Variants in TRMT112 observed in about 807,000 individuals in gnomAD.
TRMT112 encodes tRNA methyltransferase activator subunit 11-2.
Under a neutral mutation model 13.8 loss-of-function variants are expected in TRMT112, and 9 were observed. That is an observed-to-expected ratio of 0.65 (90% CI 0.39 to 1.14). The LOEUF (loss-of-function observed/expected upper bound fraction) is 1.14, where lower values mean the gene tolerates loss of function less well. Ranked by LOEUF, TRMT112 falls within the 50% of genes most tolerant of loss-of-function variation. The pLI, the probability that TRMT112 is intolerant of heterozygous loss-of-function variation, is 0.01. For synonymous variants in TRMT112, 64 were observed against 67.0 expected (o/e 0.96, Z 0.22); for missense variants, 196 against 165.5 (o/e 1.18, Z -1.01).
At position 64,317,464 on chromosome 11, in the gene TRMT112, G is replaced by C. The variant is rs1591251360; in HGVS notation, c.63C>G (p.Phe21Leu). ...CGGCGGGTACCTGGAGGCGCAGGGG[G>C]AAGCCACGGGACCCCACCCCCCGCA... The part of the protein sequence containing the change: ...SHVRGVGSRG[F>L]PLRLQATEVR... The change falls in exon 1 of 4, where the codon TTC becomes TTG. Residue 21 changes from phenylalanine (F) to leucine (L), a missense_variant. Coordinates refer to ENST00000544844, the MANE Select transcript of TRMT112 (RefSeq NM_016404.3). 6.2e-7 allele frequency: 1 copy of C among 1,609,940 alleles called. No homozygotes were observed. Among genetic ancestry groups the C allele is most frequent in the Non-Finnish European group, 8.5e-7 (1 of 1,178,032 alleles).
At chr11:64,318,097 G>A, upstream of TRMT112, 2 of 1,483,764 alleles carry the variant, frequency 1.3e-6, no homozygotes, top group Non-Finnish European at 1.8e-6. Flanking sequence ...TCGCGCCTGC[G>A]CAGTGGAGGC....
upstream of TRMT112, chr11:64,317,708 C>G: frequency 1.3e-6 from 1 of 766,960 alleles, no homozygotes; most frequent in Non-Finnish European, 2.0e-6. Context: ...TCGGGTCACG[C>G]GCCGCTACCG....
chr11:64,317,632 G>A, upstream of TRMT112: 2 of 1,247,888 alleles, frequency 1.6e-6, no homozygotes, highest in Admixed American at 2.8e-5. Context: ...CAGGAGAACC[G>A]GAAGTGGCGA....
At position 64,317,550 on chromosome 11, in the gene TRMT112, G is replaced by T; in HGVS notation, c.-24C>A. On this transcript the variant is annotated 5_prime_UTR_variant, in exon 1 of 4. Transcript: ENST00000544844. ...ATGTCGCCGCACAAACTCTCGCCAG[G>T]CCGGAACCGGAAAAAGGTCGTCCTC... 6.6e-7 allele frequency: 1 copy of T among 1,523,398 alleles called. No homozygotes were observed. The highest frequency in any genetic ancestry group is 8.9e-7 in the Non-Finnish European group (1 of 1,126,896). The allele number at this position is 1,523,398 out of a possible 1,614,324, so 94.4% of individuals were successfully genotyped here.
Position 64,317,514 on chromosome 11 carries a change from T to TA in TRMT112, c.12dup (p.Thr5TyrfsTer44). On this transcript the variant is annotated frameshift_variant, in exon 1 of 4. Coordinates refer to ENST00000544844, the MANE Select transcript of TRMT112 (RefSeq NM_016404.3). LOFTEE classifies it high-confidence loss of function. ...ACATGCGAGCTCAGCAGATTGTGGGTAAGCAGTTTCATGTCGCCGCACAAA... is the reference window on the plus strand; with the variant it reads ...ACATGCGAGCTCAGCAGATTGTGGGTAAAGCAGTTTCATGTCGCCGCACAAA... 1 of 1,582,082 alleles carries TA rather than the reference T, an allele frequency of 6.3e-7. No individual in the cohort carries two copies. Among genetic ancestry groups the TA allele is most frequent in the South Asian group, 1.1e-5 (1 of 88,756 alleles).
upstream of TRMT112, chr11:64,318,290 T>TGCGGCA (rs761278277): frequency 1.9e-6 from 3 of 1,612,488 alleles, no homozygotes; most frequent in South Asian, 1.1e-5. Context: ...GCGGTCAGTC[T>TGCGGCA]GCGGCAGCGG....
In TRMT112 at chr11:64,316,786, C is replaced by G; in HGVS notation, c.*75G>C. On this transcript the variant is annotated 3_prime_UTR_variant, in exon 4 of 4. Transcript: ENST00000544844. ...TTGGGTCAAGGGTTGGGGATACACA[C>G]GGCAGAATTCGGAAACAGGGTATAG... 3 of 962,928 alleles carry G rather than the reference C, an allele frequency of 3.1e-6. No individual in the cohort carries two copies. Among genetic ancestry groups the G allele is most frequent in the African/African-American group, 1.6e-5 (1 of 62,376 alleles). The allele number at this position is 962,928 out of a possible 1,614,324, so 59.6% of individuals were successfully genotyped here.
At chr11:64,317,565 A>C, upstream of TRMT112, 1 of 1,501,684 alleles carries the variant, frequency 6.7e-7, no homozygotes. Flanking sequence ...AACCGGAAAA[A>C]GGTCGTCCTC....
rs772151653 is a variant in TRMT112 at position 64,317,273 on chromosome 11, C to A, written c.171G>T (p.Ala57=). The part of the protein sequence containing the change: ...PKVEWSAFLE[A]ADNLRLIQVP... ...GGGTAAGGATCCTCACGTTATCGGC[C>A]GCCTCCAGGAACGCCGACCACTCCA... Residue 57 remains alanine (A), a synonymous_variant, in exon 2 of 4, where the codon GCG becomes GCT. Transcript: ENST00000544844. The A allele has an allele frequency of 1.2e-5, 20 of 1,610,018 alleles. No homozygotes were observed. Among genetic ancestry groups the A allele is most frequent in the Admixed American group, 1.2e-4 (7 of 59,922 alleles).
chr11:64,317,644 CTTG>C, upstream of TRMT112: 1 of 1,110,882 alleles, frequency 9.0e-7, no homozygotes, highest in Non-Finnish European at 1.3e-6. Context: ...AAGTGGCGAA[CTTG>C]CTGGAACTTC....
rs1035509985 is a variant in TRMT112 at position 64,316,651 on chromosome 11, G to T, written c.*210C>A. 9 of 570,658 alleles carry T rather than the reference G, an allele frequency of 1.6e-5. No individual in the cohort carries two copies. Among genetic ancestry groups the T allele is most frequent in the Admixed American group, 3.1e-5 (1 of 31,890 alleles). The allele number at this position is 570,658 out of a possible 1,614,324, so 35.3% of individuals were successfully genotyped here. ...GGCCCAGAGCCCTTGGCTGTACAGA[G>T]ACTCTATTTTAATGTATATTTGCTG... On this transcript the variant is annotated 3_prime_UTR_variant, in exon 4 of 4. Transcript: ENST00000544844.
upstream of TRMT112, chr11:64,317,663 T>C: frequency 9.9e-7 from 1 of 1,010,184 alleles, no homozygotes; most frequent in Non-Finnish European, 1.4e-6. Flanking sequence ...ACTTCTCGTG[T>C]TTGTGGGAGC....
At chr11:64,317,025 G>A (rs781513850) in intron 3 of TRMT112, 33 bp downstream of exon 3, 1 of 1,613,518 alleles carries the variant, frequency 6.2e-7, no homozygotes, top group Non-Finnish European at 8.5e-7. Flanking sequence ...GGAGGCAGGT[G>A]GCCCGGGAAG....
At position 64,317,505 on chromosome 11, in the gene TRMT112, G is replaced by C; in HGVS notation, c.22C>G (p.Leu8Val). Residue 8 changes from leucine (L) to valine (V), a missense_variant, in exon 1 of 4, where the codon CTG becomes GTG. By Grantham distance (32) the Leu-to-Val change is conservative (BLOSUM62 1). Coordinates refer to ENST00000544844, the MANE Select transcript of TRMT112 (RefSeq NM_016404.3). ...ACCCCCCGCACATGCGAGCTCAGCA[G>C]ATTGTGGGTAAGCAGTTTCATGTCG... MKLLTHN[L>V]LSSHVRGVGS... is the part of the protein sequence containing the mutation. 2.5e-6 allele frequency: 4 copies of C among 1,595,268 alleles called. No individual in the cohort carries two copies. The highest frequency in any genetic ancestry group is 3.4e-6 in the Non-Finnish European group (4 of 1,168,212).
At position 64,317,517 on chromosome 11, in the gene TRMT112, G is replaced by A. The variant is rs761305189; in HGVS notation, c.10C>T (p.Leu4Phe). MKLLTHNLLSSHVR... is the reference protein window; with the variant it reads MKLFTHNLLSSHVR... ...TGCGAGCTCAGCAGATTGTGGGTAA[G>A]CAGTTTCATGTCGCCGCACAAACTC... Residue 4 changes from leucine to phenylalanine, a missense_variant, in exon 1 of 4, where the codon CTT (leucine) becomes TTT (phenylalanine). Physicochemically the swap from Leu to Phe is conservative, Grantham distance 22. Coordinates refer to ENST00000544844, the MANE Select transcript of TRMT112 (RefSeq NM_016404.3). The A allele has an allele frequency of 3.2e-6, 5 of 1,578,580 alleles. No individual in the cohort carries two copies. The highest frequency in any genetic ancestry group is 2.3e-5 in the East Asian group (1 of 43,716).
chr11:64,316,986 C>A lies in TRMT112; in HGVS notation c.271-18G>T. 3 of 1,612,598 alleles carry A rather than the reference C, an allele frequency of 1.9e-6. No individual in the cohort carries two copies. The highest frequency in any genetic ancestry group is 2.5e-6 in the Non-Finnish European group (3 of 1,178,602). ...ACTTCCACCTGCGGGCAGGGAGGGA[C>A]AGAGCTGAGCACTGGCAGCCTCAGT... On this transcript the variant is annotated intron_variant, in intron 3 of 3. Coordinates refer to ENST00000544844, the MANE Select transcript of TRMT112 (RefSeq NM_016404.3).
chr11:64,317,493 G>A lies in TRMT112; in HGVS notation c.34C>T (p.His12Tyr). ...KLLTHNLLSS[H>Y]VRGVGSRGFP... is the part of the protein sequence containing the mutation. ...CCACGGGACCCCACCCCCCGCACATGCGAGCTCAGCAGATTGTGGGTAAGC... is the reference window on the plus strand; with the variant it reads ...CCACGGGACCCCACCCCCCGCACATACGAGCTCAGCAGATTGTGGGTAAGC... The change falls in exon 1 of 4, where the codon CAT becomes TAT. Residue 12 changes from histidine to tyrosine, a missense_variant. Coordinates refer to ENST00000544844, the MANE Select transcript of TRMT112 (RefSeq NM_016404.3). 2 of 1,602,860 alleles carry A rather than the reference G, an allele frequency of 1.2e-6. No individual in the cohort carries two copies. The highest frequency in any genetic ancestry group is 1.7e-6 in the Non-Finnish European group (2 of 1,173,354).
At position 64,317,059 on chromosome 11, in the gene TRMT112, T is replaced by A. The variant is rs11546370; in HGVS notation, c.269A>T (p.Glu90Val). 1.2e-5 allele frequency: 19 copies of A among 1,614,122 alleles called. No homozygotes were observed. The highest frequency in any genetic ancestry group is 1.5e-5 in the Non-Finnish European group (18 of 1,180,008). ...FLRTMHHLLL[E>V]VEVIEGTLQC... ...AGCAAGTGATGGGCCGCTTCTCACC[T>A]CCAGCAGCAGGTGGTGCATGGTCCT... The change falls in exon 3 of 4, where the codon GAG (glutamate) becomes GTG (valine). Residue 90 changes from glutamate to valine, a missense_variant and splice_region_variant. By Grantham distance (121) the Glu-to-Val change is moderately radical. Transcript: ENST00000544844.
chr11:64,318,269 C>T (rs760310200), upstream of TRMT112: 33 of 1,612,282 alleles, frequency 2.0e-5, no homozygotes, highest in Non-Finnish European at 2.5e-5. Flanking sequence ...ATATACTCGT[C>T]GGTGGGGCCG....
Sources: gnomAD v4.1 joint callset for allele counts on GRCh38, gnomAD v4.1.1 for gene constraint, MANE v1.5 for transcripts, NCBI Gene and HGNC (gene_info 2026-07-23, HGNC 2026-07-21) for gene names.